The following ZC3H12B variants were observed in gnomAD, a reference collection of about 807,000 sequenced individuals.
ZC3H12B encodes the protein zinc finger CCCH-type containing 12B, also known as probable ribonuclease ZC3H12B.
Under a neutral mutation model 43.9 loss-of-function variants are expected in ZC3H12B, and 7 were observed. That is an observed-to-expected ratio of 0.16 (90% CI 0.09 to 0.30). ZC3H12B has a LOEUF of 0.30. Ranked by LOEUF, ZC3H12B falls within the 10% of genes least tolerant of loss-of-function variation. ZC3H12B has a pLI of 1.00. For synonymous variants in ZC3H12B, 222 were observed against 241.7 expected (o/e 0.92, Z 0.76); for missense variants, 475 against 670.2 (o/e 0.71, Z 3.22).
At chrX:65,278,303 A>T in the ZC3H12B span, among the ~76,000 whole-genome samples, 1 of 111,644 alleles carries the variant, frequency 9.0e-6, no homozygotes, top group Admixed American at 9.5e-5. Context: ...GTGCCACGAC[A>T]GTTTACAACT....
chrX:65,094,584 A>T, the ZC3H12B span, among the ~76,000 whole-genome samples: 1 of 111,346 alleles, frequency 9.0e-6, no homozygotes, highest in Non-Finnish European at 1.9e-5. Flanking sequence ...TGATATTTCC[A>T]CTCTTGGGGA....
chrX:65,176,982 A>C, the ZC3H12B span, among the ~76,000 whole-genome samples: 4 of 111,967 alleles, frequency 3.6e-5, no homozygotes, highest in Admixed American at 9.5e-5. Flanking sequence ...ACAACAACAA[A>C]AATTTCAGGC....
intron 3 of ZC3H12B, among the ~76,000 whole-genome samples, chrX:65,399,164 G>A (rs7065623): frequency 0.14 from 16,070 of 111,834 alleles, 2,745 homozygotes; most frequent in African/African-American, 0.49. Context: ...TATTGCACTG[G>A]CAACCAACAC....
At chrX:65,211,732 TAATA>T in the ZC3H12B span, among the ~76,000 whole-genome samples, 14 of 85,061 alleles carry the variant, frequency 1.6e-4, no homozygotes, top group Non-Finnish European at 2.0e-4. Flanking sequence ...TTTTATGTAA[TAATA>T]TATATATTAT....
At chrX:65,053,268 C>T in the ZC3H12B span, among the ~76,000 whole-genome samples, 1 of 110,808 alleles carries the variant, frequency 9.0e-6, no homozygotes, top group African/African-American at 3.3e-5. Context: ...TCCCCCCACC[C>T]CGCAACAGGC....
chrX:65,169,141 G>T, the ZC3H12B span, among the ~76,000 whole-genome samples: 6 of 111,251 alleles, frequency 5.4e-5, no homozygotes, highest in South Asian at 3.7e-4. Flanking sequence ...GTCAATTTTT[G>T]ATCTTTCCTG....
At chrX:65,076,751 C>T in the ZC3H12B span, among the ~76,000 whole-genome samples, 28 of 108,788 alleles carry the variant, frequency 2.6e-4, no homozygotes, top group Admixed American at 2.6e-3. Flanking sequence ...ACATTTGGTT[C>T]TTTTTTAAAA....
the ZC3H12B span, among the ~76,000 whole-genome samples, chrX:65,311,946 A>G: frequency 9.0e-6 from 1 of 111,390 alleles, no homozygotes; most frequent in Non-Finnish European, 1.9e-5. Context: ...TTGAACAATG[A>G]GAACACTTGG....
chrX:65,053,262 C>A, the ZC3H12B span, among the ~76,000 whole-genome samples: 1 of 110,925 alleles, frequency 9.0e-6, no homozygotes, highest in Admixed American at 9.6e-5. Flanking sequence ...CCCCACTCCC[C>A]CCACCCCGCA....
At chrX:65,443,471 T>A (rs1288928248) in intron 3 of ZC3H12B, among the ~76,000 whole-genome samples, 3 of 111,952 alleles carry the variant, frequency 2.7e-5, no homozygotes, top group Non-Finnish European at 5.6e-5. Flanking sequence ...CTCACAGCCT[T>A]CAGAGCTGAG....
chrX:65,479,986 A>G (rs780738819), intron 3 of ZC3H12B, among the ~76,000 whole-genome samples: 1 of 112,700 alleles, frequency 8.9e-6, no homozygotes, highest in Non-Finnish European at 1.9e-5. Context: ...TACTTGGCCT[A>G]TGCCCTATGG....
intron 3 of ZC3H12B, among the ~76,000 whole-genome samples, chrX:65,441,038 C>A (rs1031158228): frequency 3.6e-5 from 4 of 112,196 alleles, no homozygotes; most frequent in African/African-American, 9.7e-5. Context: ...TTGCTTGAAG[C>A]AGTTCTTTCA....
the ZC3H12B span, among the ~76,000 whole-genome samples, chrX:65,341,264 G>A: frequency 8.9e-6 from 1 of 111,932 alleles, no homozygotes; most frequent in Non-Finnish European, 1.9e-5. Flanking sequence ...GGGGAAAATG[G>A]AAGAAACATG....
chrX:65,431,265 G>A (rs745345457), intron 3 of ZC3H12B, among the ~76,000 whole-genome samples: 1 of 112,431 alleles, frequency 8.9e-6, no homozygotes, highest in African/African-American at 3.2e-5. Flanking sequence ...CCACATCCAG[G>A]GTAAGTGTCT....
the ZC3H12B span, among the ~76,000 whole-genome samples, chrX:65,150,200 G>A: frequency 2.7e-5 from 3 of 110,075 alleles, no homozygotes; most frequent in East Asian, 2.9e-4. Flanking sequence ...TTTGCACTAT[G>A]GCTACTGAAC....
the ZC3H12B span, among the ~76,000 whole-genome samples, chrX:65,100,080 C>A: frequency 9.0e-6 from 1 of 110,819 alleles, no homozygotes; most frequent in Non-Finnish European, 1.9e-5. Flanking sequence ...ACGAGAACTT[C>A]GTGAAGGATA....
the ZC3H12B span, among the ~76,000 whole-genome samples, chrX:65,072,925 G>C: frequency 8.9e-6 from 1 of 112,589 alleles, no homozygotes; most frequent in Non-Finnish European, 1.9e-5. Context: ...GCACACAGGT[G>C]GGGTGTTGGC....
intron 2 of ZC3H12B, among the ~76,000 whole-genome samples, chrX:65,394,097 A>G (rs1044820322): frequency 1.8e-5 from 2 of 112,190 alleles, no homozygotes; most frequent in African/African-American, 6.5e-5. Flanking sequence ...AATTCCAGAT[A>G]TTAGACCTTT....
chrX:65,373,478 C>A (rs1319564091), intron 2 of ZC3H12B, among the ~76,000 whole-genome samples: 3 of 111,004 alleles, frequency 2.7e-5, no homozygotes, highest in Non-Finnish European at 1.9e-5. Context: ...ACAGCAAAGA[C>A]TTGGAACCAA....
Sources: gnomAD v4.1 joint callset for allele counts (sites outside exome capture counted in the v4.1 genomes callset) on GRCh38, gnomAD v4.1.1 for gene constraint, MANE v1.5 for transcripts, NCBI Gene and HGNC (gene_info 2026-07-23, HGNC 2026-07-21) for gene names.